Variants in DEFB132 observed in about 807,000 individuals in gnomAD.
DEFB132 encodes the protein beta-defensin 132.
Under a neutral mutation model 2.5 loss-of-function variants are expected in DEFB132, and 5 were observed. The ratio of observed to expected loss-of-function variants is 2.00; its 90% CI spans 1.04 to 4.20. The LOEUF (loss-of-function observed/expected upper bound fraction) is 4.20, where lower values mean the gene tolerates loss of function less well. Ranked by LOEUF, DEFB132 falls within the 30% of genes most tolerant of loss-of-function variation. DEFB132 has a pLI of 0.00. For synonymous variants in DEFB132, 53 were observed against 46.2 expected, an observed-to-expected ratio of 1.15 and a Z score of -0.60; for missense variants, 112 against 110.0, an observed-to-expected ratio of 1.02 and a Z score of -0.08.
Position 257,793 on chromosome 20 carries a change from C to A in DEFB132, c.15C>A (p.Leu5=). 1.3e-6 allele frequency: 2 copies of A among 1,551,358 alleles called. No homozygotes were observed. The highest frequency in any genetic ancestry group is 1.7e-6 in the Non-Finnish European group (2 of 1,151,096). Residue 5 remains leucine, a synonymous_variant, in exon 1 of 2, where the codon CTC becomes CTA. Transcript: ENST00000382376. ...CCCCTTCAGCCATGAAGTTCCTGCTCCTGGTCTTGGCAGCCCTCGGATTCC... is the reference window on the plus strand; with the variant it reads ...CCCCTTCAGCCATGAAGTTCCTGCTACTGGTCTTGGCAGCCCTCGGATTCC... MKFL[L]LVLAALGFLT... is the part of the protein sequence containing the mutation.
chr20:260,502 C>T lies in DEFB132; in HGVS notation c.*1196C>T, dbSNP rs1600177440. The T allele has an allele frequency of 6.6e-6, 1 of 152,082 alleles. No individual in the cohort carries two copies. Among genetic ancestry groups the T allele is most frequent in the African/African-American group, 2.4e-5 (1 of 41,410 alleles). 9.4% of individuals were successfully genotyped at this position (152,082 alleles called of 1,614,324 possible). A position where few individuals can be genotyped will look rare whatever the true frequency, so the allele number is the denominator to read the frequency against. On this transcript the variant is annotated 3_prime_UTR_variant, in exon 2 of 2. Transcript: ENST00000382376. ...AATTGTCTCCTTATATGATACAAAA[C>T]TCATGAAAATTATGACTTTTTTGTT...
In DEFB132 at chr20:259,249, AAGG is replaced by A; in HGVS notation, c.234_236del (p.Arg80del). ...AGCTCATCGGTAACCACTGGCAATCAAGGAGAAGAAACACACAAAGGAAAGACA... is the reference window on the plus strand; with the variant it reads ...AGCTCATCGGTAACCACTGGCAATCAAGAAGAAACACACAAAGGAAAGACA... On this transcript the variant is annotated inframe_deletion, in exon 2 of 2. Coordinates refer to ENST00000382376, the MANE Select transcript of DEFB132 (RefSeq NM_207469.3). 6.2e-7 allele frequency: 1 copy of A among 1,614,188 alleles called. No homozygotes were observed. Among genetic ancestry groups the A allele is most frequent in the Non-Finnish European group, 8.5e-7 (1 of 1,180,014 alleles).
intron 1 of DEFB132, among the ~76,000 whole-genome samples, chr20:258,717 G>A (rs952150871): frequency 4.9e-5 from 4 of 80,830 alleles, no homozygotes; most frequent in South Asian, 7.8e-4. Flanking sequence ...CCTGTGGGGT[G>A]AGTGAGACTA....
Position 259,307 on chromosome 20 carries a change from TA to T in DEFB132, c.*3del. On this transcript the variant is annotated 3_prime_UTR_variant, in exon 2 of 2. Coordinates refer to ENST00000382376, the MANE Select transcript of DEFB132 (RefSeq NM_207469.3). Reference sequence around the variant, plus strand: ...GCAACAAACGACCGTAACATCATAATAACCACTGCTATCGCCTCCACCAACT... The same window carrying T: ...GCAACAAACGACCGTAACATCATAATACCACTGCTATCGCCTCCACCAACT... The T allele has an allele frequency of 3.1e-6, 5 of 1,613,842 alleles. No individual in the cohort carries two copies. The highest frequency in any genetic ancestry group is 4.2e-6 in the Non-Finnish European group (5 of 1,179,858).
In DEFB132 at chr20:259,300, A is replaced by C; in HGVS notation, c.282A>C (p.Thr94=). ...RKDKKQQTTV[T]S is the part of the protein sequence containing the mutation. ...ACAAGAAGCAACAAACGACCGTAAC[A>C]TCATAATAACCACTGCTATCGCCTC... Residue 94 remains threonine, a synonymous_variant, in exon 2 of 2, where the codon ACA becomes ACC. Transcript: ENST00000382376. 6.2e-7 allele frequency: 1 copy of C among 1,614,048 alleles called. No individual in the cohort carries two copies. The highest frequency in any genetic ancestry group is 8.5e-7 in the Non-Finnish European group (1 of 1,179,972).
chr20:258,991 C>CCAAA, intron 1 of DEFB132, 86 bp from the exon 2 acceptor site: 4 of 1,364,898 alleles, frequency 2.9e-6, no homozygotes, highest in Non-Finnish European at 4.1e-6. Context: ...GAACAAAAAG[C>CCAAA]CAAACACTCC....
chr20:257,897 T>C, intron 1 of DEFB132, 61 bp downstream of exon 1: 5 of 1,556,638 alleles, frequency 3.2e-6, no homozygotes, highest in Non-Finnish European at 3.5e-6. Context: ...CATATCTGGT[T>C]GCTCTGGTGA....
Position 259,084 on chromosome 20 carries a change from A to T in DEFB132, c.66A>T (p.Ala22=), listed in dbSNP as rs148948748. The T allele has an allele frequency of 6.2e-7, 1 of 1,614,064 alleles. No individual in the cohort carries two copies. Among genetic ancestry groups the T allele is most frequent in the Non-Finnish European group, 8.5e-7 (1 of 1,180,038 alleles). ...GFLTQVIPAS[A]GGSKCVSNTP... is the part of the protein sequence containing the mutation. ...TTGTCCTCTCCCATACAGCCAGTGCAGGTGGGTCAAAATGTGTGAGTAACA... is the reference window on the plus strand; with the variant it reads ...TTGTCCTCTCCCATACAGCCAGTGCTGGTGGGTCAAAATGTGTGAGTAACA... The change falls in exon 2 of 2, where the codon GCA becomes GCT. Residue 22 remains alanine, a synonymous_variant. Transcript: ENST00000382376.
chr20:259,360 A>G lies in DEFB132; in HGVS notation c.*54A>G. On this transcript the variant is annotated 3_prime_UTR_variant, in exon 2 of 2. Coordinates refer to ENST00000382376, the MANE Select transcript of DEFB132 (RefSeq NM_207469.3). ...AGAGAAATATCATTTCCACAGTTCC[A>G]ATTCCTCCTACATTGCTGAGTACTA... The G allele has an allele frequency of 6.3e-7, 1 of 1,576,702 alleles. No homozygotes were observed. Among genetic ancestry groups the G allele is most frequent in the Non-Finnish European group, 8.6e-7 (1 of 1,158,008 alleles).
chr20:260,669 C>T lies in DEFB132; in HGVS notation c.*1363C>T, dbSNP rs1329305518. ...TCAGGCCTAAATAATTAAAAACGGT[C>T]CTAAAAACTAGCAAACCAGATAAGA... On this transcript the variant is annotated 3_prime_UTR_variant, in exon 2 of 2. Coordinates refer to ENST00000382376, the MANE Select transcript of DEFB132 (RefSeq NM_207469.3). 6.6e-6 allele frequency: 1 copy of T among 152,072 alleles called. No individual in the cohort carries two copies. Among genetic ancestry groups the T allele is most frequent in the Non-Finnish European group, 1.5e-5 (1 of 68,018 alleles). 9.4% of individuals were successfully genotyped at this position (152,072 alleles called of 1,614,324 possible). A position where few individuals can be genotyped will look rare whatever the true frequency, so the allele number is the denominator to read the frequency against.
intron 1 of DEFB132, 145 bp from the exon 2 acceptor site, chr20:258,932 A>T: frequency 1.3e-6 from 1 of 756,262 alleles, no homozygotes; most frequent in Non-Finnish European, 2.1e-6. Context: ...TCTCCTCATC[A>T]CTGGCTTTCC....
At chr20:258,922 TCTC>T (rs1319940585) in intron 1 of DEFB132, among the ~76,000 whole-genome samples, 152 bp from the exon 2 acceptor site, 2 of 152,138 alleles carry the variant, frequency 1.3e-5, no homozygotes, top group Non-Finnish European at 2.9e-5. Context: ...AAGATTTTTG[TCTC>T]CTCATCACTG....
chr20:259,068 C>T lies in DEFB132; in HGVS notation c.59-9C>T, dbSNP rs753808336. ...CCATGACTTCTCTGTCTTGTCCTCT[C>T]CCATACAGCCAGTGCAGGTGGGTCA... is the stretch of plus-strand genomic sequence containing the variant. On this transcript the variant is annotated splice_polypyrimidine_tract_variant and intron_variant, in intron 1 of 1. Transcript: ENST00000382376. 14 of 1,613,928 alleles carry T rather than the reference C, an allele frequency of 8.7e-6. No individual in the cohort carries two copies. Among genetic ancestry groups the T allele is most frequent in the Non-Finnish European group, 1.2e-5 (14 of 1,179,888 alleles).
rs2011611528 is a variant in DEFB132 at position 259,137 on chromosome 20, A to G, written c.119A>G (p.His40Arg). The G allele has an allele frequency of 3.7e-6, 6 of 1,614,074 alleles. No individual in the cohort carries two copies. The South Asian group carries it at 6.6e-5, about 18-fold the overall frequency. ...CCAGGATACTGCAGGACATGTTGCC[A>G]CTGGGGGGAGACAGCATTGTTCATG... ...NTPGYCRTCC[H>R]WGETALFMCN... is the part of the protein sequence containing the mutation. Residue 40 changes from histidine (H) to arginine (R), a missense_variant, in exon 2 of 2, where the codon CAC becomes CGC. His to Arg is a conservative substitution (Grantham distance 29). Coordinates refer to ENST00000382376, the MANE Select transcript of DEFB132 (RefSeq NM_207469.3).
Position 259,633 on chromosome 20 carries a change from G to A in DEFB132, c.*327G>A. ...CTCTGATGGACAAAGGTGAGACAGAGCAGCCACAGGCAGGGAGAGCCTTCA... is the reference window on the plus strand; with the variant it reads ...CTCTGATGGACAAAGGTGAGACAGAACAGCCACAGGCAGGGAGAGCCTTCA... On this transcript the variant is annotated 3_prime_UTR_variant, in exon 2 of 2. Transcript: ENST00000382376. 6 of 361,334 alleles carry A rather than the reference G, an allele frequency of 1.7e-5. No individual in the cohort carries two copies. The highest frequency in any genetic ancestry group is 1.4e-4 in the South Asian group (6 of 42,664). 22.4% of individuals were successfully genotyped at this position (361,334 alleles called of 1,614,324 possible). A position where few individuals can be genotyped will look rare whatever the true frequency, so the allele number is the denominator to read the frequency against.
At chr20:258,662 T>C (rs1026585453) in intron 1 of DEFB132, among the ~76,000 whole-genome samples, 3 of 129,424 alleles carry the variant, frequency 2.3e-5, no homozygotes, top group African/African-American at 8.0e-5. Flanking sequence ...TTTACAGTTT[T>C]AGAGTCTATG....
At position 259,538 on chromosome 20, in the gene DEFB132, G is replaced by T; in HGVS notation, c.*232G>T. ...AGATTCGTCCACAGGGGATCTGTCA[G>T]TTTGGGTCCTCCAAATGAAAAATGT... On this transcript the variant is annotated 3_prime_UTR_variant, in exon 2 of 2. Transcript: ENST00000382376. 1.8e-6 allele frequency: 1 copy of T among 541,200 alleles called. No individual in the cohort carries two copies. Among genetic ancestry groups the T allele is most frequent in the Non-Finnish European group, 3.3e-6 (1 of 301,998 alleles). The allele number at this position is 541,200 out of a possible 1,614,324, so 33.5% of individuals were successfully genotyped here.
chr20:259,445 ATCAT>A lies in DEFB132; in HGVS notation c.*142_*145del. ...GCCAACCCCAAAACTTCTGTCTTCTATCATTCTGTCATTCATCTAGTAACTAATT... is the reference window on the plus strand; with the variant it reads ...GCCAACCCCAAAACTTCTGTCTTCTATCTGTCATTCATCTAGTAACTAATT... On this transcript the variant is annotated 3_prime_UTR_variant, in exon 2 of 2. Coordinates refer to ENST00000382376, the MANE Select transcript of DEFB132 (RefSeq NM_207469.3). 1.2e-6 allele frequency: 1 copy of A among 853,014 alleles called. No individual in the cohort carries two copies. The allele number at this position is 853,014 out of a possible 1,614,324, so 52.8% of individuals were successfully genotyped here.
At chr20:258,391 C>T (rs1437415187) in intron 1 of DEFB132, among the ~76,000 whole-genome samples, 1 of 150,254 alleles carries the variant, frequency 6.7e-6, no homozygotes, top group African/African-American at 2.5e-5. Context: ...ACACAGAGAG[C>T]AGGGAGAGAG....
Sources: allele counts gnomAD v4.1 joint callset (sites outside exome capture counted in the v4.1 genomes callset), GRCh38; gene constraint gnomAD v4.1.1; transcripts MANE v1.5; gene names NCBI Gene and HGNC (gene_info 2026-07-23, HGNC 2026-07-21).